The following PPM1L variants were observed in gnomAD, a reference collection of about 807,000 sequenced individuals.
PPM1L encodes protein phosphatase, Mg2+/Mn2+ dependent 1L.
A neutral mutation model predicts 31.4 loss-of-function variants in PPM1L; 13 were observed. That is an observed-to-expected ratio of 0.41 (90% CI 0.27 to 0.66). PPM1L has a LOEUF of 0.66. PPM1L is among the 30% of genes least tolerant of loss of function. The pLI is 0.29. For synonymous variants in PPM1L, 184 were observed against 175.4 expected (o/e 1.05, Z -0.39); for missense variants, 326 against 453.7 (o/e 0.72, Z 2.56).
At chr3:160,856,257 A>G (rs923430828) in intron 1 of PPM1L, among the ~76,000 whole-genome samples, 1 of 152,254 alleles carries the variant, frequency 6.6e-6, no homozygotes, top group Admixed American at 6.5e-5. Context: ...CCCAGGAACA[A>G]TACTTTATAT....
rs202235612 is a variant in PPM1L, at chr3:160,756,479, G to A, written c.171G>A (p.Lys57=). Reference sequence around the variant, plus strand: ...TGAAGTCCAGCCGGGACGCCGTGAAGATGGTGAAGGGCAAGGTAGCCGAGA... The same window carrying A: ...TGAAGTCCAGCCGGGACGCCGTGAAAATGGTGAAGGGCAAGGTAGCCGAGA... ...TIVKSSRDAV[K]MVKGKVAEIM... is the part of the protein sequence containing the mutation. The change falls in exon 1 of 4, where the codon AAG becomes AAA. Residue 57 remains lysine (K), a synonymous_variant. Coordinates refer to ENST00000498165, the MANE Select transcript of PPM1L (RefSeq NM_139245.4). This position sits in a 1 kb window ranked among gnomAD's most constrained non-coding sequence, Gnocchi z 6.2. 2.4e-5 allele frequency: 39 copies of A among 1,614,080 alleles called. No individual in the cohort carries two copies. The highest frequency in any genetic ancestry group is 3.1e-5 in the Non-Finnish European group (37 of 1,180,044).
chr3:160,851,673 C>A (rs987158922), intron 1 of PPM1L, among the ~76,000 whole-genome samples: 1 of 151,962 alleles, frequency 6.6e-6, no homozygotes, highest in Non-Finnish European at 1.5e-5. Flanking sequence ...GACTTTTTAC[C>A]GAGAGTATGC....
intron 1 of PPM1L, among the ~76,000 whole-genome samples, chr3:160,811,060 C>T (rs557171306): frequency 3.5e-4 from 53 of 152,314 alleles, no homozygotes; most frequent in Admixed American, 5.9e-4. Flanking sequence ...ATTCTAATTA[C>T]ACTGAAGAAA....
intron 1 of PPM1L, among the ~76,000 whole-genome samples, chr3:160,782,558 T>A (rs1272751266): frequency 6.6e-6 from 1 of 152,338 alleles, no homozygotes; most frequent in East Asian, 1.9e-4. Context: ...CACTAATTAG[T>A]TTTTTGAAAA....
chr3:160,963,422 T>C (rs755660863), intron 2 of PPM1L, among the ~76,000 whole-genome samples: 2 of 152,004 alleles, frequency 1.3e-5, no homozygotes, highest in Non-Finnish European at 2.9e-5. Flanking sequence ...ATGTAGAAAA[T>C]AGATCTTGCA....
In PPM1L at chr3:160,776,964, G is replaced by A. The variant is rs553905887; in HGVS notation, c.399+20257G>A. Among the ~76,000 whole-genome samples, 19 of 152,050 alleles carry A rather than the reference G, an allele frequency of 1.2e-4. No individual in the cohort carries two copies. The South Asian group carries it at 4.0e-3, about 32-fold the overall frequency. ...TCAGATTAATCTCATCATGGAATCAGAGAAGATTAATACTATGGAGGGTCT... is the reference window on the plus strand; with the variant it reads ...TCAGATTAATCTCATCATGGAATCAAAGAAGATTAATACTATGGAGGGTCT... On this transcript the variant is annotated intron_variant, in intron 1 of 3. Transcript: ENST00000498165.
chr3:161,045,981 G>A (rs1449306005), intron 2 of PPM1L, among the ~76,000 whole-genome samples: 3 of 151,720 alleles, frequency 2.0e-5, no homozygotes, highest in Non-Finnish European at 4.4e-5. Flanking sequence ...CGTGGTGGCA[G>A]GTGCCTGTAG....
intron 2 of PPM1L, among the ~76,000 whole-genome samples, chr3:160,982,981 C>T (rs989966617): frequency 5.9e-5 from 9 of 152,104 alleles, no homozygotes; most frequent in South Asian, 2.1e-4. Context: ...ACTTTTTTCT[C>T]GTTTCAAATT....
intron 1 of PPM1L, among the ~76,000 whole-genome samples, chr3:160,842,899 C>G (rs1387120403): frequency 2.6e-5 from 4 of 152,144 alleles, no homozygotes; most frequent in African/African-American, 7.2e-5. Context: ...TCTAACTCAC[C>G]ATTTAGCTAA....
intron 1 of PPM1L, among the ~76,000 whole-genome samples, chr3:160,811,477 A>G (rs962568086): frequency 8.5e-5 from 13 of 152,274 alleles, no homozygotes; most frequent in Non-Finnish European, 1.9e-4. Flanking sequence ...GAGAAAACAA[A>G]AATGAATATT....
rs867521691 is a variant in PPM1L, at chr3:160,756,789, G to GTGTGTGTA, written c.399+83_399+84insGTGTGTAT. 7 of 1,285,734 alleles carry GTGTGTGTA rather than the reference G, an allele frequency of 5.4e-6. No individual in the cohort carries two copies. The highest frequency in any genetic ancestry group is 5.0e-5 in the East Asian group (2 of 40,000). 79.6% of individuals were successfully genotyped at this position (1,285,734 alleles called of 1,614,324 possible). A position where few individuals can be genotyped will look rare whatever the true frequency, so the allele number is the denominator to read the frequency against. ...TGTGTGTGTGTGTGTGTGTGTGTGTGTATAAACAACAGGACAGCGTGTGCG... is the reference window on the plus strand; with the variant it reads ...TGTGTGTGTGTGTGTGTGTGTGTGTGTGTGTGTATATAAACAACAGGACAGCGTGTGCG... On this transcript the variant is annotated intron_variant, in intron 1 of 3. Transcript: ENST00000498165. This position sits in a 1 kb window ranked among gnomAD's most constrained non-coding sequence, Gnocchi z 6.2.
In PPM1L at chr3:160,836,406, C is replaced by T. The variant is rs1713717669; in HGVS notation, c.399+79699C>T. Among the ~76,000 whole-genome samples the T allele has an allele frequency of 3.3e-5, 5 of 152,124 alleles. 1 individual carries two copies. The South Asian group carries it at 8.3e-4, about 25-fold the overall frequency. ...GTGGGCAGGGGACTTCAGAGCCTTC[C>T]GCTCTGTTACTGATCTTGTGGCTCT... is the stretch of plus-strand genomic sequence containing the variant. On this transcript the variant is annotated intron_variant, in intron 1 of 3. Transcript: ENST00000498165.
At chr3:160,866,036 G>A (rs1380519593) in intron 1 of PPM1L, among the ~76,000 whole-genome samples, 2 of 152,172 alleles carry the variant, frequency 1.3e-5, no homozygotes, top group African/African-American at 2.4e-5. Flanking sequence ...AAATAACCAA[G>A]TTGACAACTG....
intron 1 of PPM1L, among the ~76,000 whole-genome samples, chr3:160,780,918 G>C (rs988220059): frequency 9.2e-5 from 14 of 152,118 alleles, no homozygotes; most frequent in Non-Finnish European, 1.6e-4. Flanking sequence ...TATAGTGCCT[G>C]GCATTGTGGT....
chr3:160,964,336 T>G (rs995718712), intron 2 of PPM1L, among the ~76,000 whole-genome samples: 1 of 152,056 alleles, frequency 6.6e-6, no homozygotes. Flanking sequence ...TTATGTGTAT[T>G]TATACTGTAT....
At chr3:160,806,594 A>G (rs908105185) in intron 1 of PPM1L, among the ~76,000 whole-genome samples, 3 of 152,122 alleles carry the variant, frequency 2.0e-5, no homozygotes, top group Admixed American at 1.3e-4. Flanking sequence ...GCATGTTAGA[A>G]TCACCCGGAC....
intron 1 of PPM1L, among the ~76,000 whole-genome samples, chr3:160,757,552 GAGGCCC>G (rs1452235580): frequency 6.6e-6 from 1 of 152,258 alleles, no homozygotes; most frequent in African/African-American, 2.4e-5. Flanking sequence ...GTTGTGCGCT[GAGGCCC>G]AGGTTTCCTG....
intron 1 of PPM1L, among the ~76,000 whole-genome samples, chr3:160,824,595 T>C (rs1275648371): frequency 2.0e-5 from 3 of 152,134 alleles, no homozygotes; most frequent in African/African-American, 7.2e-5. Context: ...TTGCAGGCCC[T>C]TGGGCATGAG....
chr3:161,067,055 T>G (rs965697747), intron 3 of PPM1L, among the ~76,000 whole-genome samples: 1 of 152,210 alleles, frequency 6.6e-6, no homozygotes, highest in African/African-American at 2.4e-5. Flanking sequence ...TTCCTACTTG[T>G]AAAACACCAT....
Sources: gnomAD v4.1 joint callset for allele counts (sites outside exome capture counted in the v4.1 genomes callset) on GRCh38, gnomAD v4.1.1 for gene constraint, Gnocchi (gnomAD v3.1) non-coding constraint, MANE v1.5 for transcripts, NCBI Gene and HGNC (gene_info 2026-07-23, HGNC 2026-07-21) for gene names.